The following KIAA1210 variants were observed in gnomAD, a reference collection of about 807,000 sequenced individuals.
KIAA1210 encodes the protein acrosomal protein KIAA1210.
Under a neutral mutation model 78.9 loss-of-function variants are expected in KIAA1210, and 48 were observed. The observed-to-expected ratio is 0.61, with a 90% CI of 0.48 to 0.77. The LOEUF (loss-of-function observed/expected upper bound fraction) is 0.77, where lower values mean the gene tolerates loss of function less well. KIAA1210 is among the 30% of genes least tolerant of loss of function. The pLI is 0.00. For missense variants in KIAA1210, 1,108 were observed against 1,100.0 expected (o/e 1.01, Z -0.10); for synonymous variants, 406 against 404.5 (o/e 1.00, Z -0.04).
At chrX:119,128,664 A>G (rs1302132560), upstream of KIAA1210, among the ~76,000 whole-genome samples, 7 of 110,326 alleles carry the variant, frequency 6.3e-5, no homozygotes, top group African/African-American at 2.3e-4. Flanking sequence ...TTCTTTTTTT[A>G]TTTATTTTTT....
At chrX:119,086,163 T>C (rs1427917417) in intron 9 of KIAA1210, among the ~76,000 whole-genome samples, 1 of 112,248 alleles carries the variant, frequency 8.9e-6, no homozygotes, top group Non-Finnish European at 1.9e-5. Context: ...TACGAATGAG[T>C]TGGCTTTAAA....
chrX:119,119,045 CAG>C (rs1292134009), intron 2 of KIAA1210, among the ~76,000 whole-genome samples: 3 of 112,263 alleles, frequency 2.7e-5, no homozygotes, highest in Non-Finnish European at 3.8e-5. Context: ...GACCACTGAA[CAG>C]AGTCATCCTT....
intron 7 of KIAA1210, among the ~76,000 whole-genome samples, 198 bp downstream of exon 7, chrX:119,096,296 A>G (rs1407679158): frequency 8.9e-6 from 1 of 112,346 alleles, no homozygotes. Flanking sequence ...CCACATGGAT[A>G]GGAAACCACA....
At chrX:119,117,493 T>C (rs1455769960) in intron 2 of KIAA1210, among the ~76,000 whole-genome samples, 1 of 111,127 alleles carries the variant, frequency 9.0e-6, no homozygotes. Context: ...GTTTGCTCTA[T>C]CTATAATAAT....
intron 9 of KIAA1210, among the ~76,000 whole-genome samples, chrX:119,085,817 C>T (rs759506212): frequency 1.8e-5 from 2 of 112,852 alleles, no homozygotes; most frequent in East Asian, 2.8e-4. Context: ...AGTAGGACAA[C>T]GCTTGCCAGG....
chrX:119,146,983 C>T (rs1042250810), intron 2 of KIAA1210, among the ~76,000 whole-genome samples: 16 of 111,470 alleles, frequency 1.4e-4, no homozygotes, highest in Non-Finnish European at 2.6e-4. Flanking sequence ...CGTCTAATTA[C>T]AGTGAGGAGT....
At chrX:119,092,093 T>TA (rs1927384853) in intron 8 of KIAA1210, among the ~76,000 whole-genome samples, 1 of 112,192 alleles carries the variant, frequency 8.9e-6, no homozygotes, top group African/African-American at 3.2e-5. Context: ...GCTATTGAAA[T>TA]AAAAACATTT....
At chrX:119,109,657 G>A (rs1036210681) in intron 3 of KIAA1210, among the ~76,000 whole-genome samples, 5 of 111,732 alleles carry the variant, frequency 4.5e-5, no homozygotes, top group African/African-American at 1.6e-4. Flanking sequence ...GGGAATGGGA[G>A]GAAAGGCCAT....
chrX:119,147,900 C>T (rs1051372237), intron 1 of KIAA1210, among the ~76,000 whole-genome samples: 2 of 112,152 alleles, frequency 1.8e-5, no homozygotes, highest in African/African-American at 6.5e-5. Flanking sequence ...AATCCCAGGC[C>T]AAGGTGAGAG....
intron 5 of KIAA1210, 88 bp from the exon 6 acceptor site, chrX:119,105,235 A>G (rs1927859669): frequency 3.2e-6 from 3 of 949,442 alleles, no homozygotes; most frequent in South Asian, 5.8e-5. Context: ...TAATAAGAGT[A>G]AGGAATCCAA....
At chrX:119,146,446 TACA>T (rs1333996518) in intron 2 of KIAA1210, among the ~76,000 whole-genome samples, 2 of 112,334 alleles carry the variant, frequency 1.8e-5, no homozygotes, top group South Asian at 3.7e-4. Context: ...CAAACCTCCC[TACA>T]ACAAGTGGAA....
intron 5 of KIAA1210, among the ~76,000 whole-genome samples, chrX:119,106,350 C>T (rs1320229268): frequency 8.9e-6 from 1 of 112,096 alleles, no homozygotes; most frequent in Admixed American, 9.5e-5. Context: ...ATTTTACGGA[C>T]GGGGAAAACA....
intron 2 of KIAA1210, among the ~76,000 whole-genome samples, chrX:119,120,949 C>G (rs753158591): frequency 3.4e-4 from 38 of 111,138 alleles, no homozygotes; most frequent in Admixed American, 9.6e-5. Context: ...GCCAGACATA[C>G]AATGTCAGTA....
intron 2 of KIAA1210, among the ~76,000 whole-genome samples, chrX:119,123,253 C>T (rs1460440651): frequency 8.9e-6 from 1 of 112,077 alleles, no homozygotes; most frequent in African/African-American, 3.2e-5. Context: ...TAATCTCTTT[C>T]TTAGATCTGA....
chrX:119,105,903 C>G (rs2147181724), intron 5 of KIAA1210, among the ~76,000 whole-genome samples: 1 of 111,811 alleles, frequency 8.9e-6, no homozygotes, highest in East Asian at 2.8e-4. Flanking sequence ...TTATCTTTAA[C>G]AAATACTGGC....
chrX:119,135,906 T>C (rs182198492), intron 2 of KIAA1210, among the ~76,000 whole-genome samples: 16 of 110,677 alleles, frequency 1.4e-4, no homozygotes, highest in African/African-American at 5.3e-4. Flanking sequence ...ATACAAAAAT[T>C]AGCTGGTTAT....
chrX:119,089,479 A>C lies in KIAA1210; in HGVS notation c.1223T>G (p.Phe408Cys). 1 of 1,211,899 alleles carries C rather than the reference A, an allele frequency of 8.3e-7. No homozygotes were observed. The highest frequency in any genetic ancestry group is 1.1e-6 in the Non-Finnish European group (1 of 895,481). ...PTNKTARNVP[F>C]SHLSLEKDNM... ...GTCCTTCTCTAAGGACAAGTGCGAG[A>C]AAGGGACATTCCTGGCAGTCTTATT... The change falls in exon 9 of 12, where the codon TTC (phenylalanine) becomes TGC (cysteine). Residue 408 changes from phenylalanine to cysteine, a missense_variant. Physicochemically the swap from Phe to Cys is radical, Grantham distance 205 (BLOSUM62 -2). This residue lies in a region of KIAA1210 where 672 missense variants were observed against 607.1 expected (regional missense o/e 1.11). Transcript: ENST00000691062.
chrX:119,117,856 A>T (rs1928324999), intron 2 of KIAA1210, among the ~76,000 whole-genome samples: 1 of 110,380 alleles, frequency 9.1e-6, no homozygotes, highest in African/African-American at 3.3e-5. Flanking sequence ...CAAGTGATCC[A>T]CCCGCCTTGG....
Position 119,132,960 on chromosome X carries a change from G to GCCCTCAACCAAGAGTATGTGCATC in KIAA1210, c.411-9332_411-9309dup, listed in dbSNP as rs1928828575. ...CTTTCAAACTATTGCTGTACTTTGTGCCCTCAACCAAGAGTATGTGCATCC... is the reference window on the plus strand; with the variant it reads ...CTTTCAAACTATTGCTGTACTTTGTGCCCTCAACCAAGAGTATGTGCATCCCCTCAACCAAGAGTATGTGCATCC... On this transcript the variant is annotated intron_variant, in intron 2 of 13. Coordinates refer to the KIAA1210 transcript ENST00000402510. 4.5e-5 allele frequency among the ~76,000 whole-genome samples: 5 copies of GCCCTCAACCAAGAGTATGTGCATC among 111,315 alleles called. No individual in the cohort carries two copies. In the South Asian group the frequency reaches 1.9e-3, roughly 43 times the overall value.
Sources: allele counts gnomAD v4.1 joint callset (sites outside exome capture counted in the v4.1 genomes callset), GRCh38; gene constraint gnomAD v4.1.1; regional missense constraint gnomAD v4.1.1; transcripts MANE v1.5; gene names NCBI Gene and HGNC (gene_info 2026-07-23, HGNC 2026-07-21).